SPATA17: variants seen among roughly 807,000 people sequenced by gnomAD.
SPATA17 encodes the protein spermatogenesis-associated protein 17.
SPATA17 carries 53 observed loss-of-function variants against 62.2 expected under a neutral mutation model. The observed-to-expected ratio is 0.85, with a 90% confidence interval of 0.68 to 1.07. The LOEUF is 1.07. SPATA17 is among the 50% of genes least tolerant of loss of function. SPATA17 has a pLI of 0.00. For missense variants in SPATA17, 466 were observed against 425.5 expected, an observed-to-expected ratio of 1.10 and a Z score of -0.84; for synonymous variants, 146 against 146.8, an observed-to-expected ratio of 0.99 and a Z score of 0.04.
chr1:217,770,009 A>C (rs989070413), intron 6 of SPATA17, among the ~76,000 whole-genome samples: 5 of 152,210 alleles, frequency 3.3e-5, no homozygotes, highest in African/African-American at 7.2e-5. Context: ...TGTCCTGATA[A>C]TTATGATGAA....
intron 6 of SPATA17, among the ~76,000 whole-genome samples, chr1:217,745,181 C>T (rs1259778669): frequency 6.6e-6 from 1 of 152,164 alleles, no homozygotes; most frequent in Non-Finnish European, 1.5e-5. Context: ...AATCGCTTCC[C>T]TTGGAGATAA....
At chr1:217,850,881 A>G (rs1675636807) in intron 9 of SPATA17, among the ~76,000 whole-genome samples, 1 of 152,074 alleles carries the variant, frequency 6.6e-6, no homozygotes. Context: ...AATTACTGTG[A>G]TGCAAAACAA....
At chr1:217,841,885 T>C (rs1164538729) in intron 9 of SPATA17, among the ~76,000 whole-genome samples, 2 of 151,256 alleles carry the variant, frequency 1.3e-5, no homozygotes, top group African/African-American at 4.8e-5. Context: ...ATATAATATG[T>C]ATATTATAAA....
intron 5 of SPATA17, among the ~76,000 whole-genome samples, chr1:217,715,669 CAA>C (rs11320551): frequency 2.0e-4 from 25 of 126,994 alleles, no homozygotes; most frequent in Admixed American, 8.2e-4. Flanking sequence ...GCTTGTCATG[CAA>C]AAAAAAAAAA....
chr1:217,725,732 G>A (rs188350049), intron 5 of SPATA17, among the ~76,000 whole-genome samples: 2 of 152,248 alleles, frequency 1.3e-5, no homozygotes, highest in Non-Finnish European at 2.9e-5. Flanking sequence ...CAAAGTGCTA[G>A]GATTATAGGT....
intron 9 of SPATA17, among the ~76,000 whole-genome samples, chr1:217,824,606 G>T (rs1013470828): frequency 6.6e-6 from 1 of 150,600 alleles, no homozygotes; most frequent in African/African-American, 2.4e-5. Flanking sequence ...ATAATAGTTT[G>T]TTTTGTATAT....
chr1:217,794,913 C>T (rs577164403), intron 8 of SPATA17, among the ~76,000 whole-genome samples: 2 of 152,154 alleles, frequency 1.3e-5, no homozygotes, highest in East Asian at 1.9e-4. Context: ...TTGTTTTAGC[C>T]TAACATATCA....
At chr1:217,677,098 G>A (rs1670964149) in intron 4 of SPATA17, among the ~76,000 whole-genome samples, 1 of 152,016 alleles carries the variant, frequency 6.6e-6, no homozygotes, top group Non-Finnish European at 1.5e-5. Flanking sequence ...GGAAACAGAA[G>A]CAATAGTAAC....
At chr1:217,774,566 C>A in intron 7 of SPATA17, 29 bp downstream of exon 7, 1 of 1,588,610 alleles carries the variant, frequency 6.3e-7, no homozygotes, top group South Asian at 1.1e-5. Flanking sequence ...AGAATTCTGT[C>A]ATTAATTTTA....
At chr1:217,731,248 C>A in intron 5 of SPATA17, among the ~76,000 whole-genome samples, 1 of 152,058 alleles carries the variant, frequency 6.6e-6, no homozygotes, top group East Asian at 1.9e-4. Context: ...TCTGTGACTT[C>A]TGCTAGCACT....
chr1:217,770,719 C>CA (rs1673416482), intron 6 of SPATA17, among the ~76,000 whole-genome samples: 5 of 151,970 alleles, frequency 3.3e-5, no homozygotes, highest in Admixed American at 3.3e-4. Flanking sequence ...ATCAATTGTA[C>CA]CGTTTTAACA....
chr1:217,633,935 A>G (rs1669879311), intron 1 of SPATA17, among the ~76,000 whole-genome samples: 1 of 152,186 alleles, frequency 6.6e-6, no homozygotes, highest in Non-Finnish European at 1.5e-5. Flanking sequence ...TCTGCCTAAC[A>G]AAGAGGAAGG....
rs1409670340 is a variant in SPATA17 at position 217,774,318 on chromosome 1, C to T, written c.520-16C>T. The stretch of plus-strand genomic sequence containing the variant: ...AAAATTAAAGAAAAAATCAAAATTG[C>T]TTTCTTCTTCTTTAGATTCCAGGAA... On this transcript the variant is annotated splice_polypyrimidine_tract_variant and intron_variant, in intron 6 of 10. Transcript: ENST00000366933. The T allele has an allele frequency of 6.3e-7, 1 of 1,594,516 alleles. No homozygotes were observed. The highest frequency in any genetic ancestry group is 8.5e-7 in the Non-Finnish European group (1 of 1,170,246).
intron 5 of SPATA17, among the ~76,000 whole-genome samples, chr1:217,731,987 G>T (rs1672411187): frequency 6.6e-6 from 1 of 151,914 alleles, no homozygotes; most frequent in Admixed American, 6.6e-5. Context: ...CCTTTGTAAT[G>T]CTTGACAGCT....
chr1:217,805,305 T>G (rs1558058226), intron 9 of SPATA17, among the ~76,000 whole-genome samples: 1 of 152,144 alleles, frequency 6.6e-6, no homozygotes. Flanking sequence ...CATGGTCTCA[T>G]TTATATGTGA....
intron 9 of SPATA17, among the ~76,000 whole-genome samples, chr1:217,843,309 C>T (rs1356994006): frequency 2.0e-5 from 3 of 151,944 alleles, no homozygotes; most frequent in Non-Finnish European, 4.4e-5. Context: ...TATTCTTCTT[C>T]CTGAAACACT....
intron 6 of SPATA17, among the ~76,000 whole-genome samples, chr1:217,766,718 CTCTTTTTTTTTTTTTTTATCTTG>C (rs1673309917): frequency 7.8e-5 from 2 of 25,738 alleles, no homozygotes; most frequent in Non-Finnish European, 1.9e-4. Context: ...CTATATCGTT[CTCTTTTTTTTTTTTTTTATCTTG>C]TCTTTTCTCA....
chr1:217,801,637 A>G (rs1674314699), intron 8 of SPATA17, 81 bp from the exon 9 acceptor site: 1 of 1,188,698 alleles, frequency 8.4e-7, no homozygotes, highest in South Asian at 1.5e-5. Context: ...ACTGTACTAT[A>G]GTACTTCTAC....
chr1:217,855,740 T>TTG (rs1675768918), intron 9 of SPATA17, among the ~76,000 whole-genome samples: 1 of 149,536 alleles, frequency 6.7e-6, no homozygotes, highest in Admixed American at 6.7e-5. Flanking sequence ...TTTTTTTTTT[T>TTG]TTTTTGAGAT....
Sources: allele counts gnomAD v4.1 joint callset (sites outside exome capture counted in the v4.1 genomes callset), GRCh38; gene constraint gnomAD v4.1.1; transcripts MANE v1.5; gene names NCBI Gene and HGNC (gene_info 2026-07-23, HGNC 2026-07-21).